Variants in SP110 observed in about 807,000 individuals in gnomAD.
The protein encoded by SP110 is SP110 nuclear body protein.
Under a neutral mutation model 92.7 loss-of-function variants are expected in SP110, and 62 were observed. The observed-to-expected ratio is 0.67, with a 90% CI of 0.55 to 0.83. The LOEUF (loss-of-function observed/expected upper bound fraction) is 0.83. Among genes scored for constraint, SP110 ranks in the 40% least tolerant of loss-of-function variants. The pLI, the probability that SP110 is intolerant of heterozygous loss-of-function variation, is 0.00. For synonymous variants in SP110, 273 were observed against 305.3 expected, an observed-to-expected ratio of 0.89 and a Z score of 1.10; for missense variants, 793 against 863.9, an observed-to-expected ratio of 0.92 and a Z score of 1.03.
chr2:230,209,924 TTCTTACCTTTCTTG>T lies in SP110; in HGVS notation c.822_829+6del, dbSNP rs2044284757. The T allele has an allele frequency of 6.4e-7, 1 of 1,563,998 alleles. No individual in the cohort carries two copies. The highest frequency in any genetic ancestry group is 1.4e-5 in the African/African-American group (1 of 73,920). On this transcript the variant is annotated splice_donor_variant and splice_donor_5th_base_variant and coding_sequence_variant and intron_variant, in exon 7 of 19. Coordinates refer to ENST00000258381, the MANE Select transcript of SP110 (RefSeq NM_080424.4). LOFTEE classifies it high-confidence loss of function. ...TCTGACCTCTACAGAAGAAAGGCTT[TTCTTACCTTTCTTG>T]TCTGAAGGTGTGCTGGACACCTCCT...
chr2:230,174,718 T>A (rs563495648), intron 14 of SP110, among the ~76,000 whole-genome samples: 1 of 152,372 alleles, frequency 6.6e-6, no homozygotes, highest in South Asian at 2.1e-4. Flanking sequence ...GGCAGCACGC[T>A]GCAGGGCAAC....
intron 1 of SP110, among the ~76,000 whole-genome samples, chr2:230,225,342 T>G (rs1415439021): frequency 6.6e-6 from 1 of 152,186 alleles, no homozygotes; most frequent in Non-Finnish European, 1.5e-5. Flanking sequence ...ATGCATGCTA[T>G]TTCAGTTCTC....
Position 230,212,954 on chromosome 2 carries a change from T to C in SP110, c.390A>G (p.Gly130=). ...GCGCCAGTGGGGTATGGAGGGAGCT[T>C]CCTTCTGCTAGGCCAGTTGGGGCTT... The part of the protein sequence containing the change: ...LLEAPTGLAE[G]SSLHTPLALP... The change falls in exon 4 of 19, where the codon GGA becomes GGG. Residue 130 remains glycine (G), a synonymous_variant. Coordinates refer to ENST00000258381, the MANE Select transcript of SP110 (RefSeq NM_080424.4). 1 of 1,614,004 alleles carries C rather than the reference T, an allele frequency of 6.2e-7. No individual in the cohort carries two copies. The highest frequency in any genetic ancestry group is 8.5e-7 in the Non-Finnish European group (1 of 1,179,948).
chr2:230,169,214 TC>T lies in SP110; in HGVS notation c.2051del (p.Gly684AspfsTer4). 6.2e-7 allele frequency: 1 copy of T among 1,612,130 alleles called. No individual in the cohort carries two copies. Among genetic ancestry groups the T allele is most frequent in the Non-Finnish European group, 8.5e-7 (1 of 1,178,138 alleles). The part of the protein sequence containing the change: ...FYKASDFGQV[G>X]LDLEAEFEKD... The stretch of plus-strand genomic sequence containing the variant: ...TTTCAAATTCTGCCTCTAAGTCAAG[TC>T]CTACCTGGCCAAAGTCAGAAGCCTG... On this transcript the variant is annotated frameshift_variant, in exon 19 of 19. Transcript: ENST00000258381. LOFTEE classifies it low-confidence loss of function (END_TRUNC).
chr2:230,224,232 G>A (rs976364770), upstream of SP110, among the ~76,000 whole-genome samples: 1 of 152,144 alleles, frequency 6.6e-6, no homozygotes, highest in African/African-American at 2.4e-5. Context: ...AAAGAAGCTG[G>A]CACATTTTCA....
intron 6 of SP110, among the ~76,000 whole-genome samples, 184 bp from the exon 7 acceptor site, chr2:230,210,192 C>T (rs2044310612): frequency 6.6e-6 from 1 of 152,152 alleles, no homozygotes; most frequent in African/African-American, 2.4e-5. Context: ...GTTACCTGTG[C>T]GACCATCACA....
Position 230,202,574 on chromosome 2 carries a change from C to T in SP110, c.1048+5G>A. 1 of 1,613,794 alleles carries T rather than the reference C, an allele frequency of 6.2e-7. No homozygotes were observed. On this transcript the variant is annotated splice_donor_5th_base_variant and intron_variant, in intron 9 of 18. Transcript: ENST00000258381. ...TCAAATGGCAGATTCCATCATCAGC[C>T]TTACCCTCTGATCTCGACTTTCGGG...
intron 8 of SP110, among the ~76,000 whole-genome samples, chr2:230,205,441 G>A (rs926338735): frequency 6.6e-6 from 1 of 152,026 alleles, no homozygotes; most frequent in Non-Finnish European, 1.5e-5. Context: ...AGTCACTATT[G>A]TAATCCTATC....
Position 230,202,571 on chromosome 2 carries a change from A to C in SP110, c.1048+8T>G. 1 of 1,613,698 alleles carries C rather than the reference A, an allele frequency of 6.2e-7. No individual in the cohort carries two copies. The highest frequency in any genetic ancestry group is 1.1e-5 in the South Asian group (1 of 91,074). On this transcript the variant is annotated splice_region_variant and intron_variant, in intron 9 of 18. Coordinates refer to ENST00000258381, the MANE Select transcript of SP110 (RefSeq NM_080424.4). ...CATTCAAATGGCAGATTCCATCATC[A>C]GCCTTACCCTCTGATCTCGACTTTC...
At chr2:230,183,782 C>A in intron 11 of SP110, 142 bp from the exon 12 acceptor site, 1 of 679,206 alleles carries the variant, frequency 1.5e-6, no homozygotes, top group East Asian at 2.6e-5. Context: ...AAAGGACTTC[C>A]TTGTAGCATT....
At chr2:230,200,854 T>G in intron 10 of SP110, 31 bp downstream of exon 10, 1 of 1,490,054 alleles carries the variant, frequency 6.7e-7, no homozygotes, top group Non-Finnish European at 9.4e-7. Context: ...CTGGTGACTG[T>G]ACTCTGAGAC....
intron 12 of SP110, among the ~76,000 whole-genome samples, chr2:230,182,005 G>A (rs1574616470): frequency 6.6e-6 from 1 of 152,356 alleles, no homozygotes; most frequent in South Asian, 2.1e-4. Context: ...ATACCTGCAT[G>A]TGTATGTTCA....
intron 8 of SP110, among the ~76,000 whole-genome samples, chr2:230,205,496 T>TTTATGTGC: frequency 6.6e-6 from 1 of 152,192 alleles, no homozygotes; most frequent in African/African-American, 2.4e-5. Context: ...AATTATCTTG[T>TTTATGTGC]TTATGTGCTT....
chr2:230,223,817 C>T (rs2046012314), upstream of SP110, among the ~76,000 whole-genome samples: 1 of 152,172 alleles, frequency 6.6e-6, no homozygotes, highest in Non-Finnish European at 1.5e-5. Flanking sequence ...GCATGCTTAG[C>T]AAAATGAAGA....
intron 10 of SP110, among the ~76,000 whole-genome samples, chr2:230,196,842 T>C (rs1480250411): frequency 6.6e-6 from 1 of 152,192 alleles, no homozygotes. Context: ...GGTTTCCAGT[T>C]TCATCCATGT....
intron 11 of SP110, among the ~76,000 whole-genome samples, chr2:230,185,420 C>T (rs1472811514): frequency 3.3e-5 from 5 of 152,244 alleles, no homozygotes; most frequent in East Asian, 3.9e-4. Context: ...AGGGAAACAC[C>T]GGTGGAATAT....
rs1178569617 is a variant in SP110 at position 230,211,376 on chromosome 2, AG to A, written c.751+93del. 78 of 836,942 alleles carry A rather than the reference AG, an allele frequency of 9.3e-5. No individual in the cohort carries two copies. Among genetic ancestry groups the A allele is most frequent in the Non-Finnish European group, 1.5e-4 (70 of 478,510 alleles). The allele number at this position is 836,942 out of a possible 1,614,324, so 51.8% of individuals were successfully genotyped here. Reference sequence around the variant, plus strand: ...TGGGCCAAGATTGCTGAGAGGCAGGAGGAGAGCCCCCTCTCTAGAAGATCCG... The same window carrying A: ...TGGGCCAAGATTGCTGAGAGGCAGGAGAGAGCCCCCTCTCTAGAAGATCCG... On this transcript the variant is annotated intron_variant, in intron 6 of 18. Coordinates refer to ENST00000258381, the MANE Select transcript of SP110 (RefSeq NM_080424.4). The surrounding 1 kb of genome is among the most constrained non-coding windows in gnomAD (Gnocchi z 4.2).
At chr2:230,215,236 AT>A (rs1162919000) in intron 2 of SP110, 118 bp from the exon 3 acceptor site, 4 of 797,368 alleles carry the variant, frequency 5.0e-6, no homozygotes, top group Non-Finnish European at 8.3e-6. Flanking sequence ...GAAATTCAAC[AT>A]AAAATATATA....
chr2:230,213,076 A>G (rs2148927518), intron 3 of SP110, 49 bp from the exon 4 acceptor site: 1 of 1,596,072 alleles, frequency 6.3e-7, no homozygotes, highest in African/African-American at 1.3e-5. Context: ...ACTCAGAATT[A>G]CTTGGGGAAG....
Sources: gnomAD v4.1 joint callset for allele counts (sites outside exome capture counted in the v4.1 genomes callset) on GRCh38, gnomAD v4.1.1 for gene constraint, Gnocchi (gnomAD v3.1) non-coding constraint, MANE v1.5 for transcripts, NCBI Gene and HGNC (gene_info 2026-07-23, HGNC 2026-07-21) for gene names.